TNRC6A: variants seen among roughly 807,000 people sequenced by gnomAD.
The protein encoded by TNRC6A is trinucleotide repeat containing adaptor 6A.
In TNRC6A, 44 loss-of-function variants were observed where a neutral mutation model predicts 221.2. The ratio of observed to expected loss-of-function variants is 0.20; its 90% CI spans 0.16 to 0.26. The LOEUF (loss-of-function observed/expected upper bound fraction) is 0.26, where lower values mean the gene tolerates loss of function less well. Ranked by LOEUF, TNRC6A falls within the 10% of genes least tolerant of loss-of-function variation. The probability of loss-of-function intolerance (pLI) is 1.00; values close to 1 mark genes in which losing one functional copy is unlikely to be tolerated. For synonymous variants in TNRC6A, 847 were observed against 838.5 expected, an observed-to-expected ratio of 1.01 and a Z score of -0.18; for missense variants, 2,199 against 2,404.4, an observed-to-expected ratio of 0.91 and a Z score of 1.79.
In TNRC6A at chr16:24,660,892, C is replaced by A. The variant is rs935804346; in HGVS notation, n.402+19883C>A. ...GAGTAGCTGGGACTACAGGTGCCCG[C>A]CACCACGCCAGGCTAATTTTTTGTA... On this transcript the variant is annotated intron_variant and non_coding_transcript_variant, in intron 2 of 2. Coordinates refer to the TNRC6A transcript ENST00000566108. Among the ~76,000 whole-genome samples, 5 of 151,896 alleles carry A rather than the reference C, an allele frequency of 3.3e-5. No individual in the cohort carries two copies. The East Asian group carries it at 9.7e-4, about 29-fold the overall frequency.
At chr16:24,643,108 A>ATTTT (rs1567319457) in intron 2 of TNRC6A, among the ~76,000 whole-genome samples, 14 of 50,218 alleles carry the variant, frequency 2.8e-4, no homozygotes, top group Admixed American at 1.2e-3. Context: ...ATATATATAT[A>ATTTT]AAATATATAT....
intron 2 of TNRC6A, among the ~76,000 whole-genome samples, chr16:24,707,719 G>A (rs915979964): frequency 6.6e-6 from 1 of 152,130 alleles, no homozygotes; most frequent in African/African-American, 2.4e-5. Flanking sequence ...AGTGACTAAA[G>A]ACATACAAAT....
intron 2 of TNRC6A, among the ~76,000 whole-genome samples, chr16:24,722,430 C>T (rs13329943): frequency 0.24 from 5,936 of 24,878 alleles, 190 homozygotes; most frequent in East Asian, 0.5. Flanking sequence ...TATTTATTTA[C>T]TTATTTATTT....
At chr16:24,769,685 A>G (rs1386847381) in intron 4 of TNRC6A, among the ~76,000 whole-genome samples, 5 of 152,114 alleles carry the variant, frequency 3.3e-5, no homozygotes, top group Admixed American at 1.3e-4. Flanking sequence ...GCAGAGATTT[A>G]TTTAAAACTA....
chr16:24,683,462 G>C (rs767444020), intron 2 of TNRC6A, among the ~76,000 whole-genome samples: 1 of 152,180 alleles, frequency 6.6e-6, no homozygotes, highest in Non-Finnish European at 1.5e-5. Context: ...CTCCCAAAGT[G>C]CTTGGATTAC....
At chr16:24,764,447 C>G (rs1249826007) in intron 4 of TNRC6A, among the ~76,000 whole-genome samples, 3 of 151,842 alleles carry the variant, frequency 2.0e-5, no homozygotes, top group African/African-American at 4.8e-5. Context: ...GTGCCTTAGC[C>G]TCCTGGGTAG....
chr16:24,776,700 G>C, intron 4 of TNRC6A: 1 of 985,408 alleles, frequency 1.0e-6, no homozygotes, highest in Non-Finnish European at 1.2e-6. Context: ...TGTTGTCTTG[G>C]CCGAAGGTCC....
chr16:24,628,257 A>G (rs1901138993), intron 1 of TNRC6A, among the ~76,000 whole-genome samples: 1 of 151,516 alleles, frequency 6.6e-6, no homozygotes, highest in Non-Finnish European at 1.5e-5. Context: ...CGTCTCTACT[A>G]AAAATACAAA....
chr16:24,631,444 T>A (rs978115483), intron 1 of TNRC6A, among the ~76,000 whole-genome samples: 4 of 152,182 alleles, frequency 2.6e-5, no homozygotes, highest in Non-Finnish European at 5.9e-5. Context: ...CTTTTGTTTG[T>A]TCCTAATTCT....
At position 24,805,589 on chromosome 16, in the gene TNRC6A, C is replaced by G. The variant is rs1213143304; in HGVS notation, c.4123-16C>G. The stretch of plus-strand genomic sequence containing the variant: ...TTATTTTATCAAGATCATTAACTTA[C>G]CATTGTGATCCTAAGGTTCCAGTTT... On this transcript the variant is annotated splice_polypyrimidine_tract_variant and intron_variant, in intron 14 of 24. Transcript: ENST00000395799. The G allele has an allele frequency of 6.2e-7, 1 of 1,613,602 alleles. No homozygotes were observed. Among genetic ancestry groups the G allele is most frequent in the Non-Finnish European group, 8.5e-7 (1 of 1,179,756 alleles).
At chr16:24,773,479 G>C (rs1234651583) in intron 4 of TNRC6A, among the ~76,000 whole-genome samples, 1 of 152,138 alleles carries the variant, frequency 6.6e-6, no homozygotes, top group African/African-American at 2.4e-5. Context: ...ATTATTTCTA[G>C]CCTTTGCAGT....
chr16:24,633,010 G>GAAA (rs34901021), intron 1 of TNRC6A, among the ~76,000 whole-genome samples: 2 of 129,026 alleles, frequency 1.6e-5, no homozygotes, highest in Non-Finnish European at 3.2e-5. Context: ...ACTCAGTCTC[G>GAAA]AAAAAAAAAA....
intron 5 of TNRC6A, among the ~76,000 whole-genome samples, chr16:24,788,763 C>T (rs1434770581): frequency 6.6e-6 from 1 of 151,936 alleles, no homozygotes; most frequent in African/African-American, 2.4e-5. Context: ...ATTCTCCTGC[C>T]TCAGCCTCCC....
At chr16:24,661,341 T>A (rs1157408709) in intron 2 of TNRC6A, 1 of 152,176 alleles carries the variant, frequency 6.6e-6, no homozygotes, top group Admixed American at 6.6e-5. Context: ...GGCATATTTT[T>A]TTTGTTTTCA....
At chr16:24,754,597 A>C (rs2151446518) in intron 3 of TNRC6A, among the ~76,000 whole-genome samples, 1 of 152,324 alleles carries the variant, frequency 6.6e-6, no homozygotes, top group East Asian at 1.9e-4. Context: ...TAGTAGCAGT[A>C]GGTTACCATG....
Position 24,672,487 on chromosome 16 carries a change from G to A in TNRC6A, n.402+31478G>A, listed in dbSNP as rs533633836. 9.8e-4 allele frequency among the ~76,000 whole-genome samples: 149 copies of A among 152,084 alleles called. No homozygotes were observed. In the Middle Eastern group the frequency reaches 0.02, roughly 21 times the overall value. On this transcript the variant is annotated intron_variant and non_coding_transcript_variant, in intron 2 of 2. Transcript: ENST00000566108. ...GACAGGGTCTCACGAAGTCACCCAG[G>A]CTGGAGTGCAGTGGTGTGATCACGG...
intron 2 of TNRC6A, among the ~76,000 whole-genome samples, chr16:24,697,454 G>A (rs1214589927): frequency 1.3e-5 from 2 of 152,084 alleles, no homozygotes; most frequent in East Asian, 1.9e-4. Flanking sequence ...GGAGGTCAAG[G>A]TGGGCAGACC....
intron 2 of TNRC6A, among the ~76,000 whole-genome samples, chr16:24,742,799 T>C (rs1025769684): frequency 2.6e-5 from 4 of 152,088 alleles, no homozygotes; most frequent in African/African-American, 9.7e-5. Context: ...GGCAGGTACC[T>C]GTAGTCCCAG....
rs2058058442 is a variant in TNRC6A, at chr16:24,789,804, A to G, written c.1162A>G (p.Ser388Gly). ...LALKGPVGSGSSGINIQCSTI... is the reference protein window; with the variant it reads ...LALKGPVGSGGSGINIQCSTI... ...CCTAAAAGGGCCTGTAGGGAGTGGTAGTTCTGGCATTAATATTCAGTGCAG... is the reference window on the plus strand; with the variant it reads ...CCTAAAAGGGCCTGTAGGGAGTGGTGGTTCTGGCATTAATATTCAGTGCAG... The change falls in exon 6 of 25, where the codon AGT (serine) becomes GGT (glycine). Residue 388 changes from serine to glycine, a missense_variant. This residue lies in a region of TNRC6A where 1,405 missense variants were observed against 1,400.2 expected (regional missense o/e 1.00). Transcript: ENST00000395799. 1 of 1,614,196 alleles carries G rather than the reference A, an allele frequency of 6.2e-7. No individual in the cohort carries two copies. Among genetic ancestry groups the G allele is most frequent in the Non-Finnish European group, 8.5e-7 (1 of 1,180,020 alleles).
Sources: gnomAD v4.1 joint callset for allele counts (sites outside exome capture counted in the v4.1 genomes callset) on GRCh38, gnomAD v4.1.1 for gene constraint, gnomAD v4.1.1 regional missense constraint, MANE v1.5 for transcripts, NCBI Gene and HGNC (gene_info 2026-07-23, HGNC 2026-07-21) for gene names.